VPS13D: variants seen among roughly 807,000 people sequenced by gnomAD.
VPS13D encodes vacuolar protein sorting 13 homolog D.
Under a neutral mutation model 461.9 loss-of-function variants are expected in VPS13D, and 187 were observed. The ratio of observed to expected loss-of-function variants is 0.40; its 90% CI spans 0.36 to 0.46. The LOEUF (loss-of-function observed/expected upper bound fraction) is 0.46, where lower values mean the gene tolerates loss of function less well. VPS13D is among the 20% of genes least tolerant of loss of function. The probability of loss-of-function intolerance (pLI) is 0.60; values close to 1 mark genes in which losing one functional copy is unlikely to be tolerated. For missense variants in VPS13D, 4,711 were observed against 5,364.9 expected (o/e 0.88, Z 3.81); for synonymous variants, 1,951 against 1,986.3 (o/e 0.98, Z 0.47).
chr1:12,328,667 A>G (rs1252774368), intron 36 of VPS13D, among the ~76,000 whole-genome samples: 1 of 151,998 alleles, frequency 6.6e-6, no homozygotes, highest in Non-Finnish European at 1.5e-5. Flanking sequence ...CAGTCCCCCG[A>G]GTAGCCGGGA....
chr1:12,244,395 C>A lies in VPS13D; in HGVS notation c.325C>A (p.Arg109Ser). ...DEKEKLLERE[R>S]KKALLQALEE... The stretch of plus-strand genomic sequence containing the variant: ...AAAGGAGAAGCTGTTGGAAAGGGAA[C>A]GTAAGAAAGCACTACTTCAAGCCCT... Residue 109 changes from arginine (R) to serine (S), a missense_variant, in exon 4 of 70, where the codon CGT becomes AGT. Arg to Ser is a moderately radical substitution (Grantham distance 110, BLOSUM62 -1). Around this residue, in one of 3 missense-constraint regions of VPS13D, gnomAD observed 4,411 missense variants for 4,937.8 expected, o/e 0.89. Coordinates refer to ENST00000620676, the MANE Select transcript of VPS13D (RefSeq NM_015378.4). 1.2e-6 allele frequency: 2 copies of A among 1,614,044 alleles called. No homozygotes were observed. Among genetic ancestry groups the A allele is most frequent in the Non-Finnish European group, 1.7e-6 (2 of 1,180,012 alleles).
rs138983930 is a variant in VPS13D at position 12,474,428 on chromosome 1, T to C, written c.12662+14032T>C. On this transcript the variant is annotated intron_variant, in intron 67 of 69. Coordinates refer to ENST00000620676, the MANE Select transcript of VPS13D (RefSeq NM_015378.4). ...TGGAACTGTCGAGGGCTGATCTGTC[T>C]GACTCCCACCAGGACAATCTCACAA... Among the ~76,000 whole-genome samples the C allele has an allele frequency of 4.5e-3, 680 of 152,242 alleles. 5 individuals are homozygous for C. The highest frequency in any genetic ancestry group is 0.015 in the African/African-American group (608 of 41,524).
At chr1:12,430,228 A>G (rs928656713) in intron 65 of VPS13D, among the ~76,000 whole-genome samples, 7 of 152,166 alleles carry the variant, frequency 4.6e-5, no homozygotes, top group Admixed American at 1.3e-4. Flanking sequence ...TAGCAATTCA[A>G]CCTTTGTAGC....
At chr1:12,476,926 C>T (rs1416546451) in intron 67 of VPS13D, among the ~76,000 whole-genome samples, 2 of 152,188 alleles carry the variant, frequency 1.3e-5, no homozygotes, top group Non-Finnish European at 1.5e-5. Context: ...AGTTTCTGTT[C>T]AGAAATACAT....
At chr1:12,333,960 G>C (rs1322066758) in intron 38 of VPS13D, among the ~76,000 whole-genome samples, 2 of 152,222 alleles carry the variant, frequency 1.3e-5, no homozygotes, top group East Asian at 3.8e-4. Context: ...ATACAATCAA[G>C]TAGTGTGTAC....
chr1:12,260,552 T>A, intron 10 of VPS13D, 141 bp from the exon 11 acceptor site: 2 of 659,026 alleles, frequency 3.0e-6, no homozygotes, highest in Non-Finnish European at 5.4e-6. Context: ...CTATTTATCT[T>A]GTTTCTTGGC....
rs1243628703 is a variant in VPS13D at position 12,436,968 on chromosome 1, T to G, written c.12334-19030T>G. Among the ~76,000 whole-genome samples the G allele has an allele frequency of 2.6e-5, 4 of 152,296 alleles. No homozygotes were observed. In the East Asian group the frequency reaches 7.7e-4, roughly 29 times the overall value. On this transcript the variant is annotated intron_variant, in intron 65 of 69. Transcript: ENST00000620676. ...CACGCGTGAGCCACCGCTCCTGGCC[T>G]TTGCAAGTATTTTTATGTGGGTAAA...
chr1:12,230,298 G>T (rs1360572887), intron 1 of VPS13D, among the ~76,000 whole-genome samples, 178 bp downstream of exon 1: 6 of 152,108 alleles, frequency 3.9e-5, no homozygotes, highest in Admixed American at 3.9e-4. Flanking sequence ...AGCCCCTCGG[G>T]GTAACCCTGG....
chr1:12,323,675 T>A, intron 34 of VPS13D, 31 bp from the exon 35 acceptor site: 1 of 1,591,606 alleles, frequency 6.3e-7, no homozygotes, highest in Non-Finnish European at 8.6e-7. Flanking sequence ...ATAAAATTAT[T>A]TATGAAAATT....
chr1:12,408,680 A>G (rs934796501), intron 63 of VPS13D, among the ~76,000 whole-genome samples: 1 of 152,194 alleles, frequency 6.6e-6, no homozygotes. Context: ...TGAGGTTGCT[A>G]TTAATCTCTA....
chr1:12,301,557 C>T (rs1312840489), intron 25 of VPS13D, among the ~76,000 whole-genome samples: 1 of 152,214 alleles, frequency 6.6e-6, no homozygotes, highest in African/African-American at 2.4e-5. Flanking sequence ...TGCTCCATCT[C>T]CTGGACTGCG....
rs1348080711 is a variant in VPS13D at position 12,396,025 on chromosome 1, A to ATG, written c.11635-4155_11635-4154insGT. Among the ~76,000 whole-genome samples the ATG allele has an allele frequency of 6.7e-3, 850 of 127,180 alleles. 46 individuals carry two copies. The highest frequency in any genetic ancestry group is 0.019 in the African/African-American group (592 of 31,422). The allele number at this position is 127,180 out of a possible 152,430, so 83.4% of individuals were successfully genotyped here. ...TATATATATATATATATATATATAT[A>ATG]TATAGTTCTTTAAGATCAATAAAAT... On this transcript the variant is annotated intron_variant, in intron 60 of 69. Coordinates refer to ENST00000620676, the MANE Select transcript of VPS13D (RefSeq NM_015378.4).
At chr1:12,242,709 T>TA (rs1640418483) in intron 3 of VPS13D, 119 bp downstream of exon 3, 1 of 847,722 alleles carries the variant, frequency 1.2e-6, no homozygotes, top group Admixed American at 2.3e-5. Flanking sequence ...TAGCAAATGT[T>TA]AGAGTTTAGG....
At chr1:12,462,046 T>A (rs1645420108) in intron 67 of VPS13D, among the ~76,000 whole-genome samples, 1 of 152,228 alleles carries the variant, frequency 6.6e-6, no homozygotes, top group African/African-American at 2.4e-5. Context: ...TCATTGCCTG[T>A]CAGTAAATAG....
At chr1:12,236,538 G>A (rs1341644295) in intron 2 of VPS13D, among the ~76,000 whole-genome samples, 3 of 151,862 alleles carry the variant, frequency 2.0e-5, no homozygotes, top group Non-Finnish European at 2.9e-5. Context: ...GCACCACCAC[G>A]CCCGGCTAAT....
At chr1:12,304,862 T>C (rs1374694938) in intron 26 of VPS13D, 134 bp downstream of exon 26, 4 of 919,742 alleles carry the variant, frequency 4.3e-6, no homozygotes, top group Non-Finnish European at 6.5e-6. Context: ...GATGATGAGA[T>C]TCTGATTTTG....
intron 65 of VPS13D, among the ~76,000 whole-genome samples, chr1:12,434,605 C>T (rs1362280967): frequency 1.3e-5 from 2 of 152,126 alleles, no homozygotes; most frequent in African/African-American, 2.4e-5. Context: ...CCCCCACCCC[C>T]AGTAAGCAGC....
rs1389594039 is a variant in VPS13D, at chr1:12,279,033, G to T, written c.4451-466G>T. Among the ~76,000 whole-genome samples, 1 of 152,134 alleles carries T rather than the reference G, an allele frequency of 6.6e-6. No homozygotes were observed. On this transcript the variant is annotated intron_variant, in intron 19 of 69. Coordinates refer to ENST00000620676, the MANE Select transcript of VPS13D (RefSeq NM_015378.4). This position sits in a 1 kb window ranked among gnomAD's most constrained non-coding sequence, Gnocchi z 4.3. The stretch of plus-strand genomic sequence containing the variant: ...TGATTTGTTTTTATACTTATCAAAA[G>T]ATAGCTTTCTCTGCTTGGATAAAAG...
At chr1:12,251,848 C>T (rs1416045732) in intron 6 of VPS13D, among the ~76,000 whole-genome samples, 1 of 152,152 alleles carries the variant, frequency 6.6e-6, no homozygotes, top group Non-Finnish European at 1.5e-5. Flanking sequence ...ACCAGGGCAG[C>T]CCTAACACAT....
Sources: allele counts gnomAD v4.1 joint callset (sites outside exome capture counted in the v4.1 genomes callset), GRCh38; gene constraint gnomAD v4.1.1; regional missense constraint gnomAD v4.1.1; non-coding constraint Gnocchi (gnomAD v3.1); transcripts MANE v1.5; gene names NCBI Gene and HGNC (gene_info 2026-07-23, HGNC 2026-07-21).